XYLT1: variants seen among roughly 807,000 people sequenced by gnomAD.
XYLT1 encodes the protein xylosyltransferase 1, also known as beta-D-xylosyltransferase 1.
Under a neutral mutation model 91.3 loss-of-function variants are expected in XYLT1, and 36 were observed. That is an observed-to-expected ratio of 0.39 (90% confidence interval 0.30 to 0.52). The LOEUF (loss-of-function observed/expected upper bound fraction) is 0.52. XYLT1 is among the 20% of genes least tolerant of loss of function. XYLT1 has a pLI of 0.68. For missense variants in XYLT1, 1,242 were observed against 1,284.5 expected, an observed-to-expected ratio of 0.97 and a Z score of 0.51; for synonymous variants, 588 against 532.0, an observed-to-expected ratio of 1.11 and a Z score of -1.45.
At chr16:17,114,111 A>G in intron 11 of XYLT1, among the ~76,000 whole-genome samples, 1 of 152,228 alleles carries the variant, frequency 6.6e-6, no homozygotes, top group Non-Finnish European at 1.5e-5. Context: ...CCCCAATGCC[A>G]TGGGGACAGA....
intron 11 of XYLT1, among the ~76,000 whole-genome samples, chr16:17,111,852 G>C (rs533524879): frequency 2.6e-5 from 4 of 152,144 alleles, no homozygotes; most frequent in Non-Finnish European, 5.9e-5. Flanking sequence ...CGGTAGTTAG[G>C]AGCCACAGTG....
At chr16:17,328,762 G>A (rs1315211681) in intron 2 of XYLT1, among the ~76,000 whole-genome samples, 1 of 152,032 alleles carries the variant, frequency 6.6e-6, no homozygotes, top group Non-Finnish European at 1.5e-5. Flanking sequence ...TTGAAATGAT[G>A]GCTGGATTCT....
At chr16:17,207,863 G>A (rs995637159) in intron 3 of XYLT1, among the ~76,000 whole-genome samples, 15 of 152,090 alleles carry the variant, frequency 9.9e-5, no homozygotes, top group African/African-American at 3.4e-4. Flanking sequence ...AAGAACATAG[G>A]TCCAAGGATG....
intron 2 of XYLT1, among the ~76,000 whole-genome samples, chr16:17,335,022 GA>G (rs1417600936): frequency 1.3e-5 from 2 of 151,920 alleles, no homozygotes; most frequent in African/African-American, 4.8e-5. Context: ...CCAGGAGTTC[GA>G]AATGAGCCTG....
Position 17,108,436 on chromosome 16 carries a change from T to G in XYLT1, c.*259A>C, listed in dbSNP as rs1007726208. ...CTGGAAGGGGAAGACAAGGAACCTGTAGGACTTGAGGATCAACCAGAAGAG... is the reference window on the plus strand; with the variant it reads ...CTGGAAGGGGAAGACAAGGAACCTGGAGGACTTGAGGATCAACCAGAAGAG... On this transcript the variant is annotated 3_prime_UTR_variant, in exon 12 of 12. Transcript: ENST00000261381. The G allele has an allele frequency of 1.0e-5, 4 of 399,010 alleles. No individual in the cohort carries two copies. The highest frequency in any genetic ancestry group is 1.8e-5 in the Non-Finnish European group (4 of 225,762). The allele number at this position is 399,010 out of a possible 1,614,324, so 24.7% of individuals were successfully genotyped here. A position where few individuals can be genotyped will look rare whatever the true frequency, so the allele number is the denominator to read the frequency against.
At position 17,310,626 on chromosome 16, in the gene XYLT1, G is replaced by GGATCATGA. The variant is rs2034533273; in HGVS notation, c.402+47378_402+47385dup. On this transcript the variant is annotated intron_variant, in intron 2 of 11. Coordinates refer to ENST00000261381, the MANE Select transcript of XYLT1 (RefSeq NM_022166.4). ...AGCACTTTGGGAGGCCAGGGCAGGT[G>GGATCATGA]GATCATGAGGTCATGAGTTCAAGAC... is the stretch of plus-strand genomic sequence containing the variant. Among the ~76,000 whole-genome samples the GGATCATGA allele has an allele frequency of 4.6e-5, 7 of 152,282 alleles. No homozygotes were observed. In the South Asian group the frequency reaches 1.5e-3, roughly 32 times the overall value.
chr16:17,401,082 T>C (rs2035963144), intron 1 of XYLT1, among the ~76,000 whole-genome samples: 1 of 152,154 alleles, frequency 6.6e-6, no homozygotes, highest in Non-Finnish European at 1.5e-5. Context: ...CAACTCTCCC[T>C]GGAATGAATT....
intron 3 of XYLT1, among the ~76,000 whole-genome samples, chr16:17,233,162 A>G (rs1199807110): frequency 6.6e-6 from 1 of 152,202 alleles, no homozygotes; most frequent in African/African-American, 2.4e-5. Flanking sequence ...CCAACTCCAC[A>G]GGAAAAATGA....
chr16:17,143,607 C>A (rs1221190900), intron 6 of XYLT1, among the ~76,000 whole-genome samples: 1 of 152,208 alleles, frequency 6.6e-6, no homozygotes, highest in East Asian at 1.9e-4. Flanking sequence ...GAATGATTGT[C>A]TTCTTCCTCT....
intron 1 of XYLT1, among the ~76,000 whole-genome samples, chr16:17,360,091 T>A (rs555311256): frequency 6.6e-6 from 1 of 152,292 alleles, no homozygotes; most frequent in East Asian, 1.9e-4. Context: ...CGATTTTGAT[T>A]ATAAGATAAG....
intron 5 of XYLT1, among the ~76,000 whole-genome samples, chr16:17,185,864 G>C (rs575384146): frequency 2.0e-3 from 303 of 152,218 alleles, no homozygotes; most frequent in African/African-American, 7.1e-3. Flanking sequence ...AGCCAGATGT[G>C]GTGGAGAGTG....
intron 8 of XYLT1, among the ~76,000 whole-genome samples, chr16:17,136,627 G>A (rs2030731836): frequency 6.6e-6 from 1 of 152,184 alleles, no homozygotes; most frequent in Admixed American, 6.5e-5. Context: ...TCTAGGGGCA[G>A]AACAAACTCC....
At chr16:17,461,962 G>C (rs1322821489) in intron 1 of XYLT1, among the ~76,000 whole-genome samples, 1 of 152,068 alleles carries the variant, frequency 6.6e-6, no homozygotes, top group Admixed American at 6.5e-5. Flanking sequence ...ACAGTGTTTG[G>C]TGCATTCGAT....
At chr16:17,288,733 G>A (rs2034177150) in intron 2 of XYLT1, among the ~76,000 whole-genome samples, 1 of 152,132 alleles carries the variant, frequency 6.6e-6, no homozygotes, top group South Asian at 2.1e-4. Context: ...GAGTCCAAAT[G>A]ACTTTCCTCT....
At chr16:17,281,787 G>A (rs1429094311) in intron 2 of XYLT1, among the ~76,000 whole-genome samples, 2 of 152,144 alleles carry the variant, frequency 1.3e-5, no homozygotes, top group Non-Finnish European at 1.5e-5. Flanking sequence ...CAGAATCCCC[G>A]CAAATCATCT....
chr16:17,272,153 G>GTTTTT (rs35561235), intron 2 of XYLT1, among the ~76,000 whole-genome samples: 3 of 80,312 alleles, frequency 3.7e-5, no homozygotes, highest in African/African-American at 5.7e-5. Flanking sequence ...TTTGTTGTTG[G>GTTTTT]TTTTTTTTTT....
intron 3 of XYLT1, among the ~76,000 whole-genome samples, chr16:17,203,068 G>A (rs1183285981): frequency 6.6e-6 from 1 of 152,098 alleles, no homozygotes; most frequent in African/African-American, 2.4e-5. Flanking sequence ...AGGTCACACT[G>A]CTTTAATTAG....
intron 1 of XYLT1, among the ~76,000 whole-genome samples, chr16:17,402,326 A>AC (rs1359771431): frequency 7.0e-6 from 1 of 143,158 alleles, no homozygotes; most frequent in Non-Finnish European, 1.6e-5. Context: ...AAAAACAAAA[A>AC]CAAAAAAAAA....
intron 3 of XYLT1, among the ~76,000 whole-genome samples, chr16:17,213,693 A>G (rs1488349752): frequency 6.6e-6 from 1 of 151,556 alleles, no homozygotes. Flanking sequence ...GTCTCTGCTC[A>G]CTGCAACCTC....
Sources: allele counts gnomAD v4.1 joint callset (sites outside exome capture counted in the v4.1 genomes callset), GRCh38; gene constraint gnomAD v4.1.1; transcripts MANE v1.5; gene names NCBI Gene and HGNC (gene_info 2026-07-23, HGNC 2026-07-21).